The following ZNF407 variants were observed in gnomAD, a reference collection of about 807,000 sequenced individuals.
ZNF407 encodes the protein zinc finger protein 407.
A neutral mutation model predicts 131.2 loss-of-function variants in ZNF407; 17 were observed. That is an observed-to-expected ratio of 0.13 (90% CI 0.09 to 0.19). The LOEUF is 0.19. Among genes scored for constraint, ZNF407 ranks in the 10% least tolerant of loss-of-function variants. ZNF407 has a pLI of 1.00. For missense variants in ZNF407, 2,681 were observed against 2,830.6 expected (o/e 0.95, Z 1.20); for synonymous variants, 1,156 against 1,062.0 (o/e 1.09, Z -1.72).
chr18:74,946,385 C>T (rs1972153953), intron 8 of ZNF407, among the ~76,000 whole-genome samples: 1 of 152,222 alleles, frequency 6.6e-6, no homozygotes, highest in Admixed American at 6.5e-5. Context: ...CCACATTTTT[C>T]GCAGCACTCT....
At chr18:74,647,269 C>A (rs967262737) in intron 3 of ZNF407, among the ~76,000 whole-genome samples, 2 of 151,780 alleles carry the variant, frequency 1.3e-5, no homozygotes, top group Admixed American at 6.6e-5. Context: ...ATAGGGAGAC[C>A]CTGTCTTTAC....
intron 8 of ZNF407, chr18:75,060,266 G>C (rs1309983460): frequency 6.6e-6 from 1 of 152,270 alleles, no homozygotes; most frequent in Admixed American, 6.5e-5. Context: ...TGTTAAGCTA[G>C]ACTTACGAAC....
chr18:74,617,816 C>A (rs1432531036), intron 1 of ZNF407, among the ~76,000 whole-genome samples: 1 of 152,208 alleles, frequency 6.6e-6, no homozygotes, highest in Non-Finnish European at 1.5e-5. Flanking sequence ...TGGGGAGATG[C>A]TTTAACACCA....
chr18:74,978,694 G>A (rs1972554957), intron 8 of ZNF407, among the ~76,000 whole-genome samples: 1 of 151,822 alleles, frequency 6.6e-6, no homozygotes, highest in African/African-American at 2.4e-5. Flanking sequence ...ATGGAAGTAT[G>A]TGATACAGAT....
At chr18:75,034,593 C>T (rs1479763611) in intron 8 of ZNF407, among the ~76,000 whole-genome samples, 1 of 150,932 alleles carries the variant, frequency 6.6e-6, no homozygotes, top group Non-Finnish European at 1.5e-5. Flanking sequence ...TGAGCCACTG[C>T]GCCCGGCGGG....
chr18:75,008,286 A>G (rs952965030), intron 8 of ZNF407, among the ~76,000 whole-genome samples: 8 of 152,236 alleles, frequency 5.3e-5, no homozygotes, highest in Non-Finnish European at 1.2e-4. Context: ...ATTCCAGTCT[A>G]ATGGAGATGG....
At chr18:74,787,776 G>A (rs753830190) in intron 4 of ZNF407, among the ~76,000 whole-genome samples, 2 of 151,992 alleles carry the variant, frequency 1.3e-5, no homozygotes, top group South Asian at 2.1e-4. Flanking sequence ...GACTTGTTTC[G>A]TTTTCTTCCT....
At chr18:74,625,086 G>T (rs944093071) in intron 1 of ZNF407, among the ~76,000 whole-genome samples, 2 of 152,172 alleles carry the variant, frequency 1.3e-5, no homozygotes, top group African/African-American at 4.8e-5. Flanking sequence ...TCATGTGGTA[G>T]CATTCAATAT....
At chr18:75,009,624 G>A (rs1188618076) in intron 8 of ZNF407, among the ~76,000 whole-genome samples, 4 of 152,204 alleles carry the variant, frequency 2.6e-5, no homozygotes, top group African/African-American at 7.2e-5. Flanking sequence ...CGCTTACTAT[G>A]CCAGGCACTG....
At chr18:74,661,306 T>C (rs555283257) in intron 3 of ZNF407, among the ~76,000 whole-genome samples, 174 of 151,482 alleles carry the variant, frequency 1.1e-3, no homozygotes, top group African/African-American at 3.9e-3. Context: ...TCAAATAGTA[T>C]TGACTTCTAA....
At chr18:74,673,681 T>C (rs563704763) in intron 3 of ZNF407, among the ~76,000 whole-genome samples, 48 of 152,350 alleles carry the variant, frequency 3.2e-4, no homozygotes, top group African/African-American at 1.1e-3. Flanking sequence ...TGATAGCTTG[T>C]CAGTAGGTAT....
rs1434355818 is a variant in ZNF407, at chr18:74,636,405, A to G, written c.4687+699A>G. On this transcript the variant is annotated intron_variant, in intron 2 of 8. Coordinates refer to ENST00000299687, the MANE Select transcript of ZNF407 (RefSeq NM_017757.3). ...CTAAATTTATGTAAAAATTCACTGC[A>G]CTGTTTCTGTAAACCTGCCATACAT... is the stretch of plus-strand genomic sequence containing the variant. Among the ~76,000 whole-genome samples, 10 of 152,186 alleles carry G rather than the reference A, an allele frequency of 6.6e-5. 1 individual carries two copies.
At chr18:74,724,922 T>G (rs1366365227) in intron 3 of ZNF407, among the ~76,000 whole-genome samples, 1 of 152,222 alleles carries the variant, frequency 6.6e-6, no homozygotes, top group Admixed American at 6.5e-5. Flanking sequence ...TTAAAATGCT[T>G]CTCAGAAAAT....
chr18:74,707,718 A>G (rs774326204), intron 3 of ZNF407, among the ~76,000 whole-genome samples: 1 of 152,192 alleles, frequency 6.6e-6, no homozygotes, highest in Non-Finnish European at 1.5e-5. Flanking sequence ...TTTAAGCACT[A>G]TTACTCAATG....
chr18:74,943,226 T>C (rs1360023885), intron 8 of ZNF407, among the ~76,000 whole-genome samples: 1 of 152,222 alleles, frequency 6.6e-6, no homozygotes, highest in Non-Finnish European at 1.5e-5. Context: ...AAAAAATCCA[T>C]TTTTTAAATT....
intron 8 of ZNF407, among the ~76,000 whole-genome samples, chr18:75,058,662 G>C (rs535481645): frequency 2.6e-5 from 4 of 152,296 alleles, no homozygotes; most frequent in Non-Finnish European, 4.4e-5. Flanking sequence ...GATGCAACCT[G>C]TACCACGTGC....
At chr18:74,962,102 A>G (rs979211792) in intron 8 of ZNF407, among the ~76,000 whole-genome samples, 13 of 151,646 alleles carry the variant, frequency 8.6e-5, no homozygotes, top group South Asian at 4.2e-4. Flanking sequence ...CTTGTTTTTT[A>G]TTTTCTTTAT....
At chr18:74,669,348 C>G (rs1464129067) in intron 3 of ZNF407, among the ~76,000 whole-genome samples, 2 of 152,178 alleles carry the variant, frequency 1.3e-5, no homozygotes, top group African/African-American at 2.4e-5. Context: ...GGCTGCTCCT[C>G]TCTCCTTCCT....
intron 8 of ZNF407, among the ~76,000 whole-genome samples, chr18:75,029,008 T>C (rs1173420697): frequency 6.6e-6 from 1 of 152,240 alleles, no homozygotes; most frequent in Non-Finnish European, 1.5e-5. Flanking sequence ...TTCTGCTGTA[T>C]GTTCAGGTGC....
Sources: allele counts gnomAD v4.1 joint callset (sites outside exome capture counted in the v4.1 genomes callset), GRCh38; gene constraint gnomAD v4.1.1; transcripts MANE v1.5; gene names NCBI Gene and HGNC (gene_info 2026-07-23, HGNC 2026-07-21).